Variants in MYO5A observed in about 807,000 individuals in gnomAD.
The protein encoded by MYO5A is unconventional myosin-Va.
Under a neutral mutation model 249.7 loss-of-function variants are expected in MYO5A, and 98 were observed. The observed-to-expected ratio is 0.39, with a 90% CI of 0.33 to 0.46. The LOEUF (loss-of-function observed/expected upper bound fraction) is 0.46, where lower values mean the gene tolerates loss of function less well. Among genes scored for constraint, MYO5A ranks in the 20% least tolerant of loss-of-function variants. The probability of loss-of-function intolerance (pLI) is 0.98; values close to 1 mark genes in which losing one functional copy is unlikely to be tolerated. For synonymous variants in MYO5A, 778 were observed against 810.6 expected, an observed-to-expected ratio of 0.96 and a Z score of 0.68; for missense variants, 1,696 against 2,308.8, an observed-to-expected ratio of 0.73 and a Z score of 5.44.
At chr15:52,470,104 C>T (rs1421900252) in intron 1 of MYO5A, among the ~76,000 whole-genome samples, 1 of 152,226 alleles carries the variant, frequency 6.6e-6, no homozygotes, top group East Asian at 1.9e-4. Flanking sequence ...ACAATAATGG[C>T]ACCTTCAATG....
intron 5 of MYO5A, among the ~76,000 whole-genome samples, chr15:52,412,590 T>C (rs1173393767): frequency 6.6e-6 from 1 of 152,220 alleles, no homozygotes; most frequent in East Asian, 1.9e-4. Context: ...TTCTAAGTTC[T>C]GAAACTGATA....
chr15:52,426,078 T>C, intron 3 of MYO5A, 104 bp from the exon 4 acceptor site: 1 of 986,508 alleles, frequency 1.0e-6, no homozygotes, highest in Non-Finnish European at 1.5e-6. Flanking sequence ...AATCCTTCAT[T>C]TCAATTTAGT....
intron 24 of MYO5A, among the ~76,000 whole-genome samples, chr15:52,360,474 A>G (rs2040463038): frequency 6.6e-6 from 1 of 152,180 alleles, no homozygotes; most frequent in Non-Finnish European, 1.5e-5. Context: ...ACCTCATAAA[A>G]TATATTGAAA....
chr15:52,339,523 GAA>G, intron 32 of MYO5A, among the ~76,000 whole-genome samples: 1 of 123,012 alleles, frequency 8.1e-6, no homozygotes, highest in Admixed American at 8.1e-5. Flanking sequence ...TTTGGCAAAA[GAA>G]AAAAAAAAAG....
chr15:52,463,330 A>C (rs934808023), intron 1 of MYO5A, among the ~76,000 whole-genome samples: 1 of 152,182 alleles, frequency 6.6e-6, no homozygotes, highest in Non-Finnish European at 1.5e-5. Context: ...AAAACTAAGA[A>C]AGGATATTAT....
chr15:52,504,129 G>C (rs1045912235), intron 1 of MYO5A, among the ~76,000 whole-genome samples: 3 of 143,352 alleles, frequency 2.1e-5, no homozygotes, highest in Non-Finnish European at 4.5e-5. Flanking sequence ...AGAATTTGCA[G>C]ATACCATAAA....
chr15:52,431,852 G>C (rs1323155499), intron 2 of MYO5A, among the ~76,000 whole-genome samples: 1 of 152,008 alleles, frequency 6.6e-6, no homozygotes, highest in African/African-American at 2.4e-5. Flanking sequence ...GCCAGGCATG[G>C]TGGCTCATGC....
chr15:52,466,150 C>T (rs2076348023), intron 1 of MYO5A, among the ~76,000 whole-genome samples: 1 of 152,142 alleles, frequency 6.6e-6, no homozygotes, highest in South Asian at 2.1e-4. Flanking sequence ...AGACTGGACA[C>T]CTACAGCAGG....
chr15:52,395,025 T>C (rs937820929), intron 11 of MYO5A, among the ~76,000 whole-genome samples: 2 of 152,240 alleles, frequency 1.3e-5, no homozygotes, highest in African/African-American at 4.8e-5. Flanking sequence ...TTTTTCAAAG[T>C]ATATGGAATA....
intron 28 of MYO5A, among the ~76,000 whole-genome samples, chr15:52,350,285 C>T (rs972396497): frequency 6.6e-6 from 1 of 152,206 alleles, no homozygotes; most frequent in African/African-American, 2.4e-5. Context: ...TCCACTATTA[C>T]AGGAATTTTA....
At chr15:52,457,787 A>G (rs1377605278) in intron 1 of MYO5A, among the ~76,000 whole-genome samples, 1 of 152,228 alleles carries the variant, frequency 6.6e-6, no homozygotes, top group African/African-American at 2.4e-5. Flanking sequence ...GGAAATCAGT[A>G]TGTCAAAAGC....
At chr15:52,345,785 T>C (rs1302054333) in intron 30 of MYO5A, among the ~76,000 whole-genome samples, 1 of 152,144 alleles carries the variant, frequency 6.6e-6, no homozygotes, top group African/African-American at 2.4e-5. Context: ...TGTTTACCAA[T>C]CCTGAAACTA....
At chr15:52,435,525 C>G (rs910151602) in intron 1 of MYO5A, 3 of 400,406 alleles carry the variant, frequency 7.5e-6, no homozygotes, top group Non-Finnish European at 1.5e-5. Context: ...GATCCACCCG[C>G]CTTGGCCTCT....
chr15:52,348,546 C>G (rs962343309), intron 29 of MYO5A, among the ~76,000 whole-genome samples: 1 of 152,198 alleles, frequency 6.6e-6, no homozygotes, highest in Admixed American at 6.5e-5. Context: ...CTGTGGACAG[C>G]CTACCAGAAC....
rs1290655732 is a variant in MYO5A at position 52,340,297 on chromosome 15, G to C, written c.4138C>G (p.Arg1380Gly). ...EIQSLKEENN[R>G]QQQLLAQNLQ... ...TTCTGGGCCAGCAGCTGCTGCTGTC[G>C]GTTGTTCTCCTCCTTCAGGCTCTGG... Residue 1380 changes from arginine to glycine, a missense_variant, in exon 32 of 42, where the codon CGA becomes GGA. Arg to Gly is a moderately radical substitution (Grantham distance 125). Coordinates refer to ENST00000399233, the MANE Select transcript of MYO5A (RefSeq NM_001382347.1). The C allele has an allele frequency of 6.2e-7, 1 of 1,614,006 alleles. No homozygotes were observed.
rs909386125 is a variant in MYO5A at position 52,307,703 on chromosome 15, A to G, written c.*5993T>C. 1.3e-5 allele frequency: 2 copies of G among 152,220 alleles called. No individual in the cohort carries two copies. Among genetic ancestry groups the G allele is most frequent in the African/African-American group, 4.8e-5 (2 of 41,460 alleles). 9.4% of individuals were successfully genotyped at this position (152,220 alleles called of 1,614,324 possible). A position where few individuals can be genotyped will look rare whatever the true frequency, so the allele number is the denominator to read the frequency against. On this transcript the variant is annotated 3_prime_UTR_variant, in exon 42 of 42. Coordinates refer to ENST00000399233, the MANE Select transcript of MYO5A (RefSeq NM_001382347.1). ...AGACCCAACAAGGAAAAATATTTGA[A>G]AACTGCAATGTTCAATTCCATTTTA... is the stretch of plus-strand genomic sequence containing the variant.
At chr15:52,434,069 G>A (rs894303135) in intron 1 of MYO5A, among the ~76,000 whole-genome samples, 2 of 147,270 alleles carry the variant, frequency 1.4e-5, no homozygotes, top group Admixed American at 6.9e-5. Flanking sequence ...GCACGATTTC[G>A]GCTCACTGCC....
At chr15:52,509,999 C>T (rs2077357026) in intron 1 of MYO5A, among the ~76,000 whole-genome samples, 1 of 152,122 alleles carries the variant, frequency 6.6e-6, no homozygotes, top group South Asian at 2.1e-4. Context: ...TTAACATAAC[C>T]CTTCTACTTT....
intron 1 of MYO5A, among the ~76,000 whole-genome samples, chr15:52,448,546 A>C (rs2075944711): frequency 6.6e-6 from 1 of 152,182 alleles, no homozygotes; most frequent in African/African-American, 2.4e-5. Context: ...TGTATTTTGC[A>C]ATGTGAGGAC....
Sources: gnomAD v4.1 joint callset for allele counts (sites outside exome capture counted in the v4.1 genomes callset) on GRCh38, gnomAD v4.1.1 for gene constraint, MANE v1.5 for transcripts, NCBI Gene and HGNC (gene_info 2026-07-23, HGNC 2026-07-21) for gene names.